The following CCDC126 variants were observed in gnomAD, a reference collection of about 807,000 sequenced individuals.
The protein encoded by CCDC126 is coiled-coil domain containing 126.
CCDC126 carries 5 observed loss-of-function variants against 11.7 expected under a neutral mutation model. The ratio of observed to expected loss-of-function variants is 0.43; its 90% CI spans 0.22 to 0.90. The LOEUF (loss-of-function observed/expected upper bound fraction) is 0.90. CCDC126 is among the 40% of genes least tolerant of loss of function. The pLI, the probability that CCDC126 is intolerant of heterozygous loss-of-function variation, is 0.27. For missense variants in CCDC126, 150 were observed against 163.1 expected (o/e 0.92, Z 0.44); for synonymous variants, 60 against 61.9 (o/e 0.97, Z 0.14).
intron 3 of CCDC126, among the ~76,000 whole-genome samples, chr7:23,628,346 A>T (rs997456376): frequency 6.6e-6 from 1 of 152,214 alleles, no homozygotes; most frequent in Non-Finnish European, 1.5e-5. Context: ...TCAGAGTTGG[A>T]GCTGAAGAAG....
intron 2 of CCDC126, among the ~76,000 whole-genome samples, chr7:23,599,398 T>A (rs760506045): frequency 3.3e-5 from 5 of 152,216 alleles, no homozygotes; most frequent in Admixed American, 6.5e-5. Context: ...GGTGGGGACA[T>A]GTGGCACAAA....
chr7:23,624,239 A>G (rs967879421), intron 3 of CCDC126, among the ~76,000 whole-genome samples: 10 of 152,188 alleles, frequency 6.6e-5, no homozygotes, highest in African/African-American at 2.4e-4. Context: ...GGGTACCTAG[A>G]CTAAGCTTAT....
intron 2 of CCDC126, among the ~76,000 whole-genome samples, chr7:23,602,530 AG>A (rs1178077843): frequency 2.0e-5 from 3 of 152,154 alleles, no homozygotes; most frequent in Non-Finnish European, 2.9e-5. Flanking sequence ...CCTTCTGTTC[AG>A]TTTGTATGAT....
chr7:23,619,577 T>A (rs13231199), intron 3 of CCDC126: 39,980 of 221,670 alleles, frequency 0.18, 4,303 homozygotes, highest in Non-Finnish European at 0.23. Flanking sequence ...TTCTTTTTTT[T>A]AAGAAAAATA....
At chr7:23,618,645 G>A (rs1782835300) in intron 3 of CCDC126, among the ~76,000 whole-genome samples, 1 of 151,022 alleles carries the variant, frequency 6.6e-6, no homozygotes, top group African/African-American at 2.4e-5. Context: ...CCACCTCCTG[G>A]GTTCAAGTGA....
chr7:23,643,582 A>G lies in CCDC126; in HGVS notation c.*467A>G, dbSNP rs570782803. ...TTTGAAAAAATGTGCTTATTGTACT[A>G]TATTTTGTTATTCCAATTATGAGCA... On this transcript the variant is annotated 3_prime_UTR_variant, in exon 4 of 4. Coordinates refer to ENST00000307471, the MANE Select transcript of CCDC126 (RefSeq NM_138771.4). 4 of 153,198 alleles carry G rather than the reference A, an allele frequency of 2.6e-5. 1 individual carries two copies. The South Asian group carries it at 6.2e-4, about 24-fold the overall frequency. 9.5% of individuals were successfully genotyped at this position (153,198 alleles called of 1,614,324 possible).
chr7:23,641,321 A>G (rs181563334), intron 3 of CCDC126, among the ~76,000 whole-genome samples: 1 of 152,164 alleles, frequency 6.6e-6, no homozygotes, highest in African/African-American at 2.4e-5. Context: ...GAGAGTATCT[A>G]TTCAAGTCCT....
At chr7:23,623,221 C>G (rs893491165) in intron 3 of CCDC126, among the ~76,000 whole-genome samples, 2 of 151,842 alleles carry the variant, frequency 1.3e-5, no homozygotes, top group Middle Eastern at 3.4e-3. Context: ...CTCAGCCTCC[C>G]AAGGTGCTGG....
At chr7:23,604,859 G>T (rs531760633) in intron 2 of CCDC126, among the ~76,000 whole-genome samples, 1 of 152,012 alleles carries the variant, frequency 6.6e-6, no homozygotes, top group Non-Finnish European at 1.5e-5. Context: ...TTAGCCGGGT[G>T]TGGTGGCGGG....
At chr7:23,606,395 G>A (rs1161215496) in intron 2 of CCDC126, among the ~76,000 whole-genome samples, 2 of 152,042 alleles carry the variant, frequency 1.3e-5, no homozygotes, top group African/African-American at 4.8e-5. Flanking sequence ...TATGATTAAT[G>A]AGGTTGAGCA....
In CCDC126 at chr7:23,639,974, G is replaced by A. The variant is rs192773233; in HGVS notation, c.239-2957G>A. 1.7e-4 allele frequency among the ~76,000 whole-genome samples: 26 copies of A among 152,004 alleles called. 2 individuals are homozygous for A. Among genetic ancestry groups the A allele is most frequent in the African/African-American group, 3.9e-4 (16 of 41,444 alleles). ...GTAGATCACCTGAAGTCAGGAGTTCGAGACCAGAGACCAGCCTGGCCAACA... is the reference window on the plus strand; with the variant it reads ...GTAGATCACCTGAAGTCAGGAGTTCAAGACCAGAGACCAGCCTGGCCAACA... On this transcript the variant is annotated intron_variant, in intron 3 of 3. Transcript: ENST00000307471.
chr7:23,625,969 T>TTA (rs1313968103), intron 3 of CCDC126, among the ~76,000 whole-genome samples: 1 of 151,862 alleles, frequency 6.6e-6, no homozygotes, highest in African/African-American at 2.4e-5. Flanking sequence ...GACTGATTCT[T>TTA]TATAAAGATG....
intron 2 of CCDC126, among the ~76,000 whole-genome samples, chr7:23,599,573 C>T (rs752287283): frequency 4.0e-5 from 6 of 151,588 alleles, no homozygotes; most frequent in Non-Finnish European, 7.4e-5. Flanking sequence ...TGCTGGCTCA[C>T]TGCAACTTCT....
At chr7:23,639,813 T>C (rs1783321483) in intron 3 of CCDC126, among the ~76,000 whole-genome samples, 1 of 152,172 alleles carries the variant, frequency 6.6e-6, no homozygotes, top group Non-Finnish European at 1.5e-5. Context: ...GTAGTACTAC[T>C]CCTTTCTGAT....
chr7:23,621,207 A>T (rs1383726985), intron 3 of CCDC126, among the ~76,000 whole-genome samples: 1 of 152,244 alleles, frequency 6.6e-6, no homozygotes, highest in African/African-American at 2.4e-5. Flanking sequence ...CTTCCTATCC[A>T]TGAGCATGGA....
intron 3 of CCDC126, among the ~76,000 whole-genome samples, chr7:23,639,404 A>G (rs891593124): frequency 1.2e-4 from 18 of 152,082 alleles, no homozygotes; most frequent in South Asian, 4.1e-4. Context: ...CATGTTGGCC[A>G]TGGTGGCCAG....
At chr7:23,634,382 G>A (rs1783168829) in intron 3 of CCDC126, among the ~76,000 whole-genome samples, 1 of 152,184 alleles carries the variant, frequency 6.6e-6, no homozygotes, top group South Asian at 2.1e-4. Context: ...TTGAATCCAG[G>A]AGGTCGAGGC....
intron 2 of CCDC126, among the ~76,000 whole-genome samples, chr7:23,606,144 C>T (rs941853389): frequency 1.3e-5 from 2 of 152,008 alleles, no homozygotes; most frequent in Admixed American, 6.6e-5. Flanking sequence ...CTGCAAGCTC[C>T]GCCTCCTGGG....
At chr7:23,622,523 A>G (rs894678486) in intron 3 of CCDC126, 8 of 509,626 alleles carry the variant, frequency 1.6e-5, no homozygotes, top group East Asian at 5.6e-5. Flanking sequence ...AGTGCAGTCA[A>G]CGATGGACTG....
Sources: allele counts gnomAD v4.1 joint callset (sites outside exome capture counted in the v4.1 genomes callset), GRCh38; gene constraint gnomAD v4.1.1; transcripts MANE v1.5; gene names NCBI Gene and HGNC (gene_info 2026-07-23, HGNC 2026-07-21).